The following ARSB variants were observed in gnomAD, a reference collection of about 807,000 sequenced individuals.
ARSB encodes the protein N-acetylgalactosamine-4-sulfatase.
ARSB carries 41 observed loss-of-function variants against 50.9 expected under a neutral mutation model. The observed-to-expected ratio is 0.81, with a 90% CI of 0.63 to 1.04. The LOEUF (loss-of-function observed/expected upper bound fraction) is 1.04, where lower values mean the gene tolerates loss of function less well. Among genes scored for constraint, ARSB ranks in the 50% least tolerant of loss-of-function variants. ARSB has a pLI of 0.00. For synonymous variants in ARSB, 269 were observed against 284.8 expected (o/e 0.94, Z 0.56); for missense variants, 672 against 693.3 (o/e 0.97, Z 0.35).
chr5:78,885,491 C>A, intron 5 of ARSB, 93 bp downstream of exon 5: 2 of 1,539,972 alleles, frequency 1.3e-6, no homozygotes, highest in Non-Finnish European at 1.8e-6. Flanking sequence ...GCTGAACTAT[C>A]ATTTTAACAC....
intron 4 of ARSB, among the ~76,000 whole-genome samples, chr5:78,891,499 C>T (rs1035249383): frequency 1.3e-5 from 2 of 152,126 alleles, no homozygotes; most frequent in African/African-American, 2.4e-5. Flanking sequence ...GTTCCAGGGA[C>T]CACTCCAGAT....
In ARSB at chr5:78,967,470, C is replaced by T. The variant is rs190196635; in HGVS notation, c.499+1536G>A. On this transcript the variant is annotated intron_variant, in intron 2 of 7. Coordinates refer to ENST00000264914, the MANE Select transcript of ARSB (RefSeq NM_000046.5). ...TGGGTGGGTCACGAGGTCAGGAGTT[C>T]GAGACCAGCCTGACCAACATGGTGA... Among the ~76,000 whole-genome samples the T allele has an allele frequency of 4.1e-4, 63 of 152,082 alleles. No homozygotes were observed. The East Asian group carries it at 8.3e-3, about 20-fold the overall frequency.
In ARSB at chr5:78,781,828, A is replaced by T. The variant is rs775132181; in HGVS notation, c.1336+24T>A. ...CTGCTTTGTCTACCACGGGAAGGGA[A>T]GTTTGCTAAGCTAAGGACTCTACCT... On this transcript the variant is annotated intron_variant, in intron 7 of 7. Coordinates refer to ENST00000264914, the MANE Select transcript of ARSB (RefSeq NM_000046.5). 4.2e-5 allele frequency: 68 copies of T among 1,613,726 alleles called. No homozygotes were observed. In the South Asian group the frequency reaches 7.4e-4, roughly 17 times the overall value.
chr5:78,945,341 T>G (rs944732869), intron 4 of ARSB, among the ~76,000 whole-genome samples: 1 of 152,198 alleles, frequency 6.6e-6, no homozygotes, highest in African/African-American at 2.4e-5. Flanking sequence ...CAGTTGGAAA[T>G]GCAGAAATCA....
intron 6 of ARSB, among the ~76,000 whole-genome samples, chr5:78,800,546 T>G (rs946395678): frequency 6.6e-6 from 1 of 152,190 alleles, no homozygotes; most frequent in African/African-American, 2.4e-5. Context: ...AAGAATTTTT[T>G]GAGCATCTGC....
intron 5 of ARSB, among the ~76,000 whole-genome samples, chr5:78,853,422 G>T (rs1745951215): frequency 6.6e-6 from 1 of 152,164 alleles, no homozygotes; most frequent in East Asian, 1.9e-4. Flanking sequence ...TGGAAGTTTT[G>T]TCTCAGAGGA....
chr5:78,849,535 A>T lies in ARSB; in HGVS notation c.1143-10109T>A, dbSNP rs1391935856. 6.9e-3 allele frequency among the ~76,000 whole-genome samples: 1,018 copies of T among 147,818 alleles called. 9 individuals carry two copies. Among genetic ancestry groups the T allele is most frequent in the African/African-American group, 0.025 (984 of 39,946 alleles). On this transcript the variant is annotated intron_variant, in intron 5 of 7. Coordinates refer to ENST00000264914, the MANE Select transcript of ARSB (RefSeq NM_000046.5). ...GCTTTGTTCTTTTGGCTTAGGATTGACTTGGCAATGTGGGCTCTTTTTTGG... is the reference window on the plus strand; with the variant it reads ...GCTTTGTTCTTTTGGCTTAGGATTGTCTTGGCAATGTGGGCTCTTTTTTGG...
At chr5:78,964,034 T>C (rs1181036037) in intron 3 of ARSB, among the ~76,000 whole-genome samples, 7 of 152,208 alleles carry the variant, frequency 4.6e-5, no homozygotes, top group African/African-American at 1.4e-4. Context: ...ATTTTTTAAG[T>C]CATTTTATTA....
At chr5:78,864,941 G>A (rs1359215893) in intron 5 of ARSB, among the ~76,000 whole-genome samples, 1 of 152,204 alleles carries the variant, frequency 6.6e-6, no homozygotes. Flanking sequence ...GGTTCCCATG[G>A]TCTTGGGCAG....
At chr5:78,784,441 T>A (rs1749024329) in intron 6 of ARSB, among the ~76,000 whole-genome samples, 1 of 152,210 alleles carries the variant, frequency 6.6e-6, no homozygotes, top group Non-Finnish European at 1.5e-5. Flanking sequence ...AATAGATGAA[T>A]GGATAAAGAA....
At chr5:78,970,664 C>T (rs1246407107) in intron 1 of ARSB, among the ~76,000 whole-genome samples, 1 of 152,050 alleles carries the variant, frequency 6.6e-6, no homozygotes, top group Non-Finnish European at 1.5e-5. Flanking sequence ...CAAAAGAAAG[C>T]TTCTCTGGGC....
chr5:78,822,831 T>A (rs1216954793), intron 6 of ARSB, among the ~76,000 whole-genome samples: 1 of 152,132 alleles, frequency 6.6e-6, no homozygotes, highest in Non-Finnish European at 1.5e-5. Context: ...AGAGGCAGGG[T>A]TTCACCATGT....
At chr5:78,970,330 C>T (rs1752397259) in intron 1 of ARSB, among the ~76,000 whole-genome samples, 2 of 152,192 alleles carry the variant, frequency 1.3e-5, no homozygotes, top group South Asian at 4.2e-4. Context: ...TAAAACAATG[C>T]CATTCTTCTC....
intron 2 of ARSB, among the ~76,000 whole-genome samples, chr5:78,967,346 C>G (rs1395926288): frequency 6.6e-6 from 1 of 152,114 alleles, no homozygotes; most frequent in African/African-American, 2.4e-5. Context: ...CTCTTATAGT[C>G]TTTTCCTTTC....
chr5:78,788,924 AC>A (rs1749169011), intron 6 of ARSB, among the ~76,000 whole-genome samples: 1 of 152,206 alleles, frequency 6.6e-6, no homozygotes, highest in African/African-American at 2.4e-5. Flanking sequence ...GAGCCACCAC[AC>A]CTGGCCTACA....
chr5:78,838,914 C>G (rs1332408548), intron 6 of ARSB, among the ~76,000 whole-genome samples: 1 of 152,206 alleles, frequency 6.6e-6, no homozygotes, highest in Non-Finnish European at 1.5e-5. Context: ...CAGTACCTGA[C>G]CAGCCCAATC....
intron 3 of ARSB, among the ~76,000 whole-genome samples, chr5:78,963,317 A>C (rs1752076861): frequency 6.6e-6 from 1 of 152,204 alleles, no homozygotes; most frequent in Non-Finnish European, 1.5e-5. Context: ...ACCACGAGCC[A>C]AATAAACCTC....
intron 4 of ARSB, among the ~76,000 whole-genome samples, chr5:78,886,490 T>C (rs1476089384): frequency 6.6e-6 from 1 of 152,162 alleles, no homozygotes; most frequent in African/African-American, 2.4e-5. Flanking sequence ...AGTTTCATTA[T>C]GCACAATACC....
At chr5:78,978,434 T>G (rs1311547060) in intron 1 of ARSB, among the ~76,000 whole-genome samples, 1 of 152,126 alleles carries the variant, frequency 6.6e-6, no homozygotes, top group East Asian at 1.9e-4. Context: ...CTCCAAATAG[T>G]TTTACAGATC....
Sources: gnomAD v4.1 joint callset for allele counts (sites outside exome capture counted in the v4.1 genomes callset) on GRCh38, gnomAD v4.1.1 for gene constraint, MANE v1.5 for transcripts, NCBI Gene and HGNC (gene_info 2026-07-23, HGNC 2026-07-21) for gene names.